SH3PXD2B: variants seen among roughly 807,000 people sequenced by gnomAD.
SH3PXD2B encodes SH3 and PX domains 2B.
Under a neutral mutation model 73.1 loss-of-function variants are expected in SH3PXD2B, and 37 were observed. That is an observed-to-expected ratio of 0.51 (90% CI 0.39 to 0.67). SH3PXD2B has a LOEUF of 0.67. Among genes scored for constraint, SH3PXD2B ranks in the 30% least tolerant of loss-of-function variants. The pLI is 0.00. For synonymous variants in SH3PXD2B, 457 were observed against 480.5 expected (o/e 0.95, Z 0.64); for missense variants, 1,053 against 1,197.8 (o/e 0.88, Z 1.78).
At chr5:172,425,726 G>A (rs548142789) in intron 1 of SH3PXD2B, among the ~76,000 whole-genome samples, 2 of 152,068 alleles carry the variant, frequency 1.3e-5, no homozygotes, top group African/African-American at 4.8e-5. Context: ...GGAGGCGTGC[G>A]ACAGGATCCA....
At position 172,335,050 on chromosome 5, in the gene SH3PXD2B, G is replaced by T; in HGVS notation, c.*3319C>A. On this transcript the variant is annotated 3_prime_UTR_variant, in exon 13 of 13. Transcript: ENST00000311601. ...GCTCAGCTCTCCCGCAGTCTCAGCT[G>T]GGACGACATACACCCACCAATGGCA... is the stretch of plus-strand genomic sequence containing the variant. The T allele has an allele frequency of 1.0e-6, 1 of 985,466 alleles. No individual in the cohort carries two copies. The highest frequency in any genetic ancestry group is 1.2e-6 in the Non-Finnish European group (1 of 829,982). The allele number at this position is 985,466 out of a possible 1,614,324, so 61.0% of individuals were successfully genotyped here. A position where few individuals can be genotyped will look rare whatever the true frequency, so the allele number is the denominator to read the frequency against.
At chr5:172,419,885 C>G (rs879853462) in intron 2 of SH3PXD2B, among the ~76,000 whole-genome samples, 13 of 152,230 alleles carry the variant, frequency 8.5e-5, no homozygotes, top group African/African-American at 2.4e-4. Context: ...TATCTAGACC[C>G]TCACTGCACA....
At chr5:172,392,120 A>G (rs1366954352) in intron 4 of SH3PXD2B, among the ~76,000 whole-genome samples, 1 of 151,782 alleles carries the variant, frequency 6.6e-6, no homozygotes, top group Non-Finnish European at 1.5e-5. Flanking sequence ...TATATTAAAG[A>G]CCTAACCCCC....
In SH3PXD2B at chr5:172,333,970, C is replaced by A; in HGVS notation, c.*4399G>T. ...ATCGTTGCATTAGAATTGCTTATTG[C>A]TGATGTAAGCCTGGTGGGGGCACCT... is the stretch of plus-strand genomic sequence containing the variant. On this transcript the variant is annotated 3_prime_UTR_variant, in exon 13 of 13. Transcript: ENST00000311601. 1 of 1,216,452 alleles carries A rather than the reference C, an allele frequency of 8.2e-7. No individual in the cohort carries two copies. The highest frequency in any genetic ancestry group is 1.5e-5 in the South Asian group (1 of 68,108). The allele number at this position is 1,216,452 out of a possible 1,614,324, so 75.4% of individuals were successfully genotyped here.
At chr5:172,327,635 C>T (rs556894040) in intron 12 of SH3PXD2B, among the ~76,000 whole-genome samples, 1 of 152,262 alleles carries the variant, frequency 6.6e-6, no homozygotes, top group African/African-American at 2.4e-5. Flanking sequence ...GTCAACCAGA[C>T]TGGAGTACAG....
chr5:172,394,651 G>A lies in SH3PXD2B; in HGVS notation c.233-12C>T, dbSNP rs989064834. ...GAAGAGAATCTTACCTGCAGAAGAT[G>A]AGAGCAAAGACAGTGTTGTCAGGGA... On this transcript the variant is annotated splice_polypyrimidine_tract_variant and intron_variant, in intron 3 of 12. Coordinates refer to ENST00000311601, the MANE Select transcript of SH3PXD2B (RefSeq NM_001017995.3). 6 of 1,613,576 alleles carry A rather than the reference G, an allele frequency of 3.7e-6. No individual in the cohort carries two copies. The African/African-American group carries it at 4.0e-5, about 11-fold the overall frequency.
rs1756658383 is a variant in SH3PXD2B at position 172,335,217 on chromosome 5, G to A, written c.*3152C>T. The stretch of plus-strand genomic sequence containing the variant: ...GTAAGGTAAAGTAGTTGTCACAATT[G>A]TGTTAATAAGCAGGGGTGAGGGGAA... On this transcript the variant is annotated 3_prime_UTR_variant, in exon 13 of 13. Transcript: ENST00000311601. The A allele has an allele frequency of 2.0e-5, 20 of 1,023,718 alleles. No homozygotes were observed. Among genetic ancestry groups the A allele is most frequent in the Admixed American group, 5.8e-5 (1 of 17,268 alleles). The allele number at this position is 1,023,718 out of a possible 1,614,324, so 63.4% of individuals were successfully genotyped here.
chr5:172,432,340 G>C (rs1432874120), intron 1 of SH3PXD2B, among the ~76,000 whole-genome samples: 1 of 152,168 alleles, frequency 6.6e-6, no homozygotes, highest in East Asian at 1.9e-4. Context: ...CACAGCATTT[G>C]TGGGCCATAC....
At chr5:172,392,925 A>G (rs1308147491) in intron 4 of SH3PXD2B, among the ~76,000 whole-genome samples, 2 of 152,254 alleles carry the variant, frequency 1.3e-5, no homozygotes, top group Non-Finnish European at 2.9e-5. Context: ...CCGCTGATCT[A>G]CATGCCTATT....
In SH3PXD2B at chr5:172,346,168, C is replaced by T. The variant is rs777452588; in HGVS notation, c.1156G>A (p.Gly386Ser). 8.1e-6 allele frequency: 13 copies of T among 1,614,154 alleles called. No homozygotes were observed. The highest frequency in any genetic ancestry group is 4.4e-5 in the South Asian group (4 of 91,078). ...TTCAGGCCTGCCTGGAAGCTGATGCCGTCTGGGATGGTTGTCTGGAATTCG... is the reference window on the plus strand; with the variant it reads ...TTCAGGCCTGCCTGGAAGCTGATGCTGTCTGGGATGGTTGTCTGGAATTCG... ...IAEFQTTIPD[G>S]ISFQAGLKVE... The change falls in exon 12 of 13, where the codon GGC (glycine) becomes AGC (serine). Residue 386 changes from glycine (G) to serine (S), a missense_variant. By Grantham distance (56) the Gly-to-Ser change is moderately conservative. This residue lies in a region of SH3PXD2B where 466 missense variants were observed against 607.1 expected (regional missense o/e 0.77). Coordinates refer to ENST00000311601, the MANE Select transcript of SH3PXD2B (RefSeq NM_001017995.3).
intron 1 of SH3PXD2B, among the ~76,000 whole-genome samples, chr5:172,449,087 T>C (rs543761946): frequency 2.0e-4 from 30 of 152,280 alleles, no homozygotes; most frequent in Non-Finnish European, 4.1e-4. Flanking sequence ...TTCTGGAGCC[T>C]GGCAAATCAA....
chr5:172,377,666 G>A (rs1757847113), intron 5 of SH3PXD2B, among the ~76,000 whole-genome samples: 1 of 152,028 alleles, frequency 6.6e-6, no homozygotes, highest in South Asian at 2.1e-4. Context: ...GCTGGGAAGG[G>A]ACAAAGAGAT....
At chr5:172,352,604 T>C (rs1757180566) in intron 9 of SH3PXD2B, among the ~76,000 whole-genome samples, 1 of 152,164 alleles carries the variant, frequency 6.6e-6, no homozygotes, top group Admixed American at 6.5e-5. Context: ...AATTCCCACA[T>C]GTTGTGGGAG....
intron 9 of SH3PXD2B, among the ~76,000 whole-genome samples, chr5:172,351,140 T>G (rs1290120425): frequency 6.6e-6 from 1 of 152,128 alleles, no homozygotes; most frequent in Non-Finnish European, 1.5e-5. Flanking sequence ...GCAGGAGACA[T>G]TCAGTTTTTG....
At chr5:172,452,680 T>C (rs1759823587) in intron 1 of SH3PXD2B, among the ~76,000 whole-genome samples, 1 of 152,160 alleles carries the variant, frequency 6.6e-6, no homozygotes, top group Non-Finnish European at 1.5e-5. Context: ...ATTCTCGTTT[T>C]TGCCAGCTCA....
rs377731580 is a variant in SH3PXD2B at position 172,345,098 on chromosome 5, GAGGGAAGGAAGA to G, written c.1188+1026_1188+1037del. Among the ~76,000 whole-genome samples, 635 of 148,784 alleles carry G rather than the reference GAGGGAAGGAAGA, an allele frequency of 4.3e-3. 2 individuals carry two copies. The highest frequency in any genetic ancestry group is 0.016 in the African/African-American group (601 of 38,672). ...GGAAGGAGGGAGGGAAGGAAAGAAG[GAGGGAAGGAAGA>G]AGGGAAGGAAGGAGGGAAGGAAGGA... On this transcript the variant is annotated intron_variant, in intron 12 of 12. Transcript: ENST00000311601.
chr5:172,444,885 G>GT (rs1561586238), intron 1 of SH3PXD2B, among the ~76,000 whole-genome samples: 1 of 151,794 alleles, frequency 6.6e-6, no homozygotes, highest in African/African-American at 2.4e-5. Context: ...TGGCCTTCCT[G>GT]GGGGGGGACC....
chr5:172,331,453 T>G (rs1211851659), downstream of SH3PXD2B, among the ~76,000 whole-genome samples: 1 of 152,114 alleles, frequency 6.6e-6, no homozygotes, highest in Non-Finnish European at 1.5e-5. Flanking sequence ...AGCCATTGAT[T>G]AGGAAGCGTG....
At chr5:172,412,638 G>C (rs555866632) in intron 2 of SH3PXD2B, among the ~76,000 whole-genome samples, 4 of 152,164 alleles carry the variant, frequency 2.6e-5, no homozygotes, top group African/African-American at 9.7e-5. Context: ...GGTGTGTCCA[G>C]GTTTACGGCC....
Sources: gnomAD v4.1 joint callset for allele counts (sites outside exome capture counted in the v4.1 genomes callset) on GRCh38, gnomAD v4.1.1 for gene constraint, gnomAD v4.1.1 regional missense constraint, MANE v1.5 for transcripts, NCBI Gene and HGNC (gene_info 2026-07-23, HGNC 2026-07-21) for gene names.